The following GATB variants were observed in gnomAD, a reference collection of about 807,000 sequenced individuals.
GATB encodes glutamyl-tRNA(Gln) amidotransferase subunit B, mitochondrial.
GATB carries 39 observed loss-of-function variants against 62.3 expected under a neutral mutation model. The observed-to-expected ratio is 0.63, with a 90% CI of 0.48 to 0.82. The LOEUF (loss-of-function observed/expected upper bound fraction) is 0.82, where lower values mean the gene tolerates loss of function less well. Ranked by LOEUF, GATB falls within the 40% of genes least tolerant of loss-of-function variation. The probability of loss-of-function intolerance (pLI) is 0.00; values close to 1 mark genes in which losing one functional copy is unlikely to be tolerated. For missense variants in GATB, 670 were observed against 684.0 expected, an observed-to-expected ratio of 0.98 and a Z score of 0.23; for synonymous variants, 276 against 258.9, an observed-to-expected ratio of 1.07 and a Z score of -0.63.
At chr4:151,723,258 C>A (rs1409479284) in intron 2 of GATB, 1 of 152,164 alleles carries the variant, frequency 6.6e-6, no homozygotes, top group African/African-American at 2.4e-5. Flanking sequence ...CCATTGAATC[C>A]TCTCATTCCT....
At chr4:151,696,423 A>G (rs2126965445) in intron 9 of GATB, among the ~76,000 whole-genome samples, 1 of 152,370 alleles carries the variant, frequency 6.6e-6, no homozygotes, top group South Asian at 2.1e-4. Flanking sequence ...AATGAAACAC[A>G]AGTGACTCCA....
At chr4:151,754,969 A>G (rs925410614) in intron 2 of GATB, among the ~76,000 whole-genome samples, 2 of 152,336 alleles carry the variant, frequency 1.3e-5, no homozygotes, top group Non-Finnish European at 2.9e-5. Context: ...AACTGTGCAC[A>G]ATAACTCAGG....
intron 2 of GATB, chr4:151,722,278 G>A: frequency 1.4e-6 from 1 of 697,550 alleles, no homozygotes; most frequent in Admixed American, 2.0e-5. Context: ...TAGATAAATA[G>A]GACTCTGTCT....
Position 151,758,802 on chromosome 4 carries a change from A to G in GATB, c.297T>C (p.Phe99=), listed in dbSNP as rs1464524365. ...FSAPPNSLVS[F]FDASLPGTLP... is the part of the protein sequence containing the mutation. ...AAGTTCCAGGTAGAGATGCATCAAA[A>G]AAAGAAACCAAAGAATTTGGAGGTG... The change falls in exon 2 of 13, where the codon TTT becomes TTC. Residue 99 remains phenylalanine, a synonymous_variant. Transcript: ENST00000263985. 6.2e-7 allele frequency: 1 copy of G among 1,607,214 alleles called. No homozygotes were observed. Among genetic ancestry groups the G allele is most frequent in the South Asian group, 1.1e-5 (1 of 88,986 alleles).
intron 4 of GATB, 77 bp downstream of exon 4, chr4:151,716,799 T>C: frequency 7.4e-7 from 1 of 1,347,296 alleles, no homozygotes; most frequent in South Asian, 1.3e-5. Flanking sequence ...TCAAGAAAAC[T>C]CTAGCGGTGA....
intron 2 of GATB, among the ~76,000 whole-genome samples, chr4:151,748,986 G>A (rs369582228): frequency 4.6e-5 from 7 of 152,234 alleles, no homozygotes; most frequent in African/African-American, 7.2e-5. Context: ...TTAGAATGGC[G>A]ATCATTAAAA....
chr4:151,743,175 G>A (rs570471527), intron 2 of GATB, among the ~76,000 whole-genome samples: 2 of 152,038 alleles, frequency 1.3e-5, no homozygotes, highest in Middle Eastern at 3.2e-3. Context: ...TCCCATGACC[G>A]CTATTTGCAT....
At chr4:151,749,532 T>A (rs1013728375) in intron 2 of GATB, among the ~76,000 whole-genome samples, 2 of 147,074 alleles carry the variant, frequency 1.4e-5, no homozygotes, top group East Asian at 4.3e-4. Context: ...GGGGGAGGGA[T>A]AGCATTAGGA....
chr4:151,691,306 GACT>G (rs1217285352), intron 9 of GATB, among the ~76,000 whole-genome samples: 3 of 152,188 alleles, frequency 2.0e-5, no homozygotes, highest in Non-Finnish European at 4.4e-5. Flanking sequence ...TTCCCTGGCT[GACT>G]GCGACTCTAA....
At chr4:151,722,448 G>C (rs1029397936) in intron 2 of GATB, 2 of 523,674 alleles carry the variant, frequency 3.8e-6, no homozygotes, top group South Asian at 2.6e-5. Flanking sequence ...CCACGACAAA[G>C]GCCAAGCTCT....
chr4:151,729,730 T>C (rs6535818), intron 2 of GATB, among the ~76,000 whole-genome samples: 1 of 151,916 alleles, frequency 6.6e-6, no homozygotes, highest in African/African-American at 2.4e-5. Context: ...AGAGTGGAAG[T>C]GTTGGGTAAT....
At chr4:151,688,848 C>T in intron 9 of GATB, 85 bp from the exon 10 acceptor site, 7 of 1,310,670 alleles carry the variant, frequency 5.3e-6, no homozygotes, top group Non-Finnish European at 7.3e-6. Context: ...GAAACTGTCC[C>T]CTCTGCCTCC....
chr4:151,758,674 A>G, intron 2 of GATB, 98 bp downstream of exon 2: 1 of 1,053,316 alleles, frequency 9.5e-7, no homozygotes, highest in Non-Finnish European at 1.3e-6. Context: ...AAGTATTTCC[A>G]AAGAGTTGTG....
intron 2 of GATB, among the ~76,000 whole-genome samples, chr4:151,731,368 C>T (rs1739245220): frequency 2.0e-5 from 3 of 152,222 alleles, no homozygotes; most frequent in Admixed American, 1.3e-4. Flanking sequence ...CTGCCAGCCT[C>T]GGCCTCCTGA....
chr4:151,672,234 A>G (rs1254293337), intron 12 of GATB, among the ~76,000 whole-genome samples: 2 of 152,176 alleles, frequency 1.3e-5, no homozygotes, highest in African/African-American at 2.4e-5. Context: ...TGTGCTAAGA[A>G]CACAAAATGA....
chr4:151,707,956 G>T, intron 6 of GATB, 32 bp downstream of exon 6: 1 of 1,365,516 alleles, frequency 7.3e-7, no homozygotes, highest in Non-Finnish European at 1.0e-6. Context: ...ACAATAGGAA[G>T]AAGGACACTA....
Position 151,740,238 on chromosome 4 carries a change from C to T in GATB, c.327+18534G>A, listed in dbSNP as rs141565674. Reference sequence around the variant, plus strand: ...CCTAGAAACTCTTTCCTAGTACAGTCGTGCATCACTTACCAATGGAGATAT... The same window carrying T: ...CCTAGAAACTCTTTCCTAGTACAGTTGTGCATCACTTACCAATGGAGATAT... On this transcript the variant is annotated intron_variant, in intron 2 of 12. Coordinates refer to ENST00000263985, the MANE Select transcript of GATB (RefSeq NM_004564.3). Among the ~76,000 whole-genome samples the T allele has an allele frequency of 7.4e-4, 113 of 152,312 alleles. 1 individual carries two copies. Among genetic ancestry groups the T allele is most frequent in the African/African-American group, 2.3e-3 (94 of 41,566 alleles).
At chr4:151,756,207 TGACC>T (rs1739825462) in intron 2 of GATB, among the ~76,000 whole-genome samples, 1 of 152,188 alleles carries the variant, frequency 6.6e-6, no homozygotes, top group Admixed American at 6.5e-5. Flanking sequence ...TTGGTTTACT[TGACC>T]AAAACAATAA....
In GATB at chr4:151,702,870, G is replaced by A. The variant is rs148463563; in HGVS notation, c.1007+981C>T. On this transcript the variant is annotated intron_variant, in intron 8 of 12. Transcript: ENST00000263985. ...GGATTCGAAGCACACGCTACCCATC[G>A]GCTCACTGCCAGATCTCTTCTGTGA... Among the ~76,000 whole-genome samples, 23 of 152,266 alleles carry A rather than the reference G, an allele frequency of 1.5e-4. No individual in the cohort carries two copies. The East Asian group carries it at 3.5e-3, about 23-fold the overall frequency.
Sources: gnomAD v4.1 joint callset for allele counts (sites outside exome capture counted in the v4.1 genomes callset) on GRCh38, gnomAD v4.1.1 for gene constraint, MANE v1.5 for transcripts, NCBI Gene and HGNC (gene_info 2026-07-23, HGNC 2026-07-21) for gene names.